INSC: variants seen among roughly 807,000 people sequenced by gnomAD.
The protein encoded by INSC is protein inscuteable homolog.
INSC carries 67 observed loss-of-function variants against 58.6 expected under a neutral mutation model. That is an observed-to-expected ratio of 1.14 (90% confidence interval 0.94 to 1.40). The LOEUF (loss-of-function observed/expected upper bound fraction) is 1.40. Among genes scored for constraint, INSC ranks in the 40% most tolerant of loss-of-function variants. The probability of loss-of-function intolerance (pLI) is 0.00; values close to 1 mark genes in which losing one functional copy is unlikely to be tolerated. For missense variants in INSC, 714 were observed against 692.0 expected, an observed-to-expected ratio of 1.03 and a Z score of -0.36; for synonymous variants, 262 against 276.1, an observed-to-expected ratio of 0.95 and a Z score of 0.51.
At chr11:15,243,636 A>G (rs947245151) in intron 12 of INSC, among the ~76,000 whole-genome samples, 2 of 152,130 alleles carry the variant, frequency 1.3e-5, no homozygotes, top group East Asian at 3.9e-4. Flanking sequence ...CTGGGGAGGT[A>G]AGGGTGTCTC....
At chr11:15,184,248 T>C (rs2852925) in intron 5 of INSC, among the ~76,000 whole-genome samples, 111,086 of 151,946 alleles carry the variant, frequency 0.73, 41,377 homozygotes, top group East Asian at 0.98. Flanking sequence ...GGTTTTATAA[T>C]GTATACAATT....
chr11:15,190,912 GC>G lies in INSC; in HGVS notation c.693+102del, dbSNP rs1850145194. On this transcript the variant is annotated intron_variant, in intron 6 of 12. Transcript: ENST00000379556. Reference sequence around the variant, plus strand: ...TAGCTGGCTCACGAGGTCTGTCTTGGCCCCTGCATTAGCTGCTGAGTCTCCT... The same window carrying G: ...TAGCTGGCTCACGAGGTCTGTCTTGGCCCTGCATTAGCTGCTGAGTCTCCT... The G allele has an allele frequency of 6.4e-6, 5 of 780,454 alleles. No individual in the cohort carries two copies. The East Asian group carries it at 1.2e-4, about 19-fold the overall frequency. The allele number at this position is 780,454 out of a possible 1,614,324, so 48.3% of individuals were successfully genotyped here. A position where few individuals can be genotyped will look rare whatever the true frequency, so the allele number is the denominator to read the frequency against.
chr11:15,226,037 G>C (rs1252136274), intron 9 of INSC, among the ~76,000 whole-genome samples: 2 of 152,106 alleles, frequency 1.3e-5, no homozygotes, highest in African/African-American at 4.8e-5. Context: ...CCCATTATGA[G>C]CTTTACATGC....
intron 7 of INSC, among the ~76,000 whole-genome samples, chr11:15,213,659 C>T (rs1047143203): frequency 1.3e-5 from 2 of 152,180 alleles, no homozygotes; most frequent in Admixed American, 6.5e-5. Flanking sequence ...ACCTTAATTA[C>T]TCATCCCTGC....
chr11:15,140,061 G>C (rs966513721), intron 1 of INSC, among the ~76,000 whole-genome samples: 3 of 152,192 alleles, frequency 2.0e-5, no homozygotes, highest in African/African-American at 7.2e-5. Context: ...AGGAGCCTGA[G>C]CTTTCCTCTG....
intron 6 of INSC, among the ~76,000 whole-genome samples, chr11:15,197,804 T>C (rs1375116976): frequency 6.6e-6 from 1 of 152,226 alleles, no homozygotes; most frequent in Admixed American, 6.5e-5. Context: ...CTGTTATTCC[T>C]TCCACCACCA....
intron 8 of INSC, 73 bp from the exon 9 acceptor site, chr11:15,225,577 G>A: frequency 6.9e-7 from 1 of 1,453,788 alleles, no homozygotes. Flanking sequence ...CAGAGGTATT[G>A]TGTGAACCAA....
At position 15,247,040 on chromosome 11, in the gene INSC, T is replaced by TA. The variant is rs1491193308; in HGVS notation, c.*1001dup. 1 of 150,346 alleles carries TA rather than the reference T, an allele frequency of 6.7e-6. No homozygotes were observed. The highest frequency in any genetic ancestry group is 2.5e-5 in the African/African-American group (1 of 39,970). The allele number at this position is 150,346 out of a possible 1,614,324, so 9.3% of individuals were successfully genotyped here. ...GCACAGCTTTCGCTTTTTTTTTTTT[T>TA]AGAGAGAGCTGGTTTACCAATTTCA... On this transcript the variant is annotated 3_prime_UTR_variant, in exon 13 of 13. Transcript: ENST00000379556.
intron 1 of INSC, among the ~76,000 whole-genome samples, chr11:15,143,352 A>G (rs1250370652): frequency 6.6e-6 from 1 of 152,134 alleles, no homozygotes; most frequent in Admixed American, 6.5e-5. Context: ...AGCTCTCACC[A>G]AGGAATAACT....
intron 5 of INSC, chr11:15,188,259 C>G: frequency 1.0e-6 from 1 of 985,458 alleles, no homozygotes; most frequent in Non-Finnish European, 1.2e-6. Context: ...TGGAGACCCA[C>G]TCTCCTATTT....
At chr11:15,175,169 C>G (rs1849529703) in intron 2 of INSC, among the ~76,000 whole-genome samples, 1 of 152,128 alleles carries the variant, frequency 6.6e-6, no homozygotes, top group Admixed American at 6.6e-5. Context: ...AATGTGTTTC[C>G]TTTAAATATT....
At chr11:15,145,392 G>A (rs1848468016) in intron 1 of INSC, among the ~76,000 whole-genome samples, 1 of 152,294 alleles carries the variant, frequency 6.6e-6, no homozygotes, top group African/African-American at 2.4e-5. Flanking sequence ...AGGACCAAGG[G>A]CTTGTCTTGA....
At chr11:15,174,054 A>T (rs561321071) in intron 2 of INSC, among the ~76,000 whole-genome samples, 1 of 152,218 alleles carries the variant, frequency 6.6e-6, no homozygotes, top group Admixed American at 6.5e-5. Context: ...GCCCCATAGG[A>T]TCTACTCCCC....
At chr11:15,222,467 T>C (rs1851480973) in intron 8 of INSC, among the ~76,000 whole-genome samples, 1 of 152,116 alleles carries the variant, frequency 6.6e-6, no homozygotes, top group African/African-American at 2.4e-5. Context: ...TAGCATGAAC[T>C]TAGGGGCAAC....
At chr11:15,221,801 G>T (rs1481085069) in intron 8 of INSC, among the ~76,000 whole-genome samples, 153 bp downstream of exon 8, 3 of 152,136 alleles carry the variant, frequency 2.0e-5, no homozygotes, top group Non-Finnish European at 4.4e-5. Context: ...CACAATTAAT[G>T]GATCTGAATT....
chr11:15,217,960 G>A (rs558024150), intron 7 of INSC, among the ~76,000 whole-genome samples: 5 of 152,138 alleles, frequency 3.3e-5, no homozygotes, highest in South Asian at 4.1e-4. Context: ...CTATCATGTC[G>A]CAAAACAATT....
intron 5 of INSC, among the ~76,000 whole-genome samples, chr11:15,189,286 G>A (rs1479638422): frequency 6.6e-6 from 1 of 152,150 alleles, no homozygotes; most frequent in Non-Finnish European, 1.5e-5. Context: ...GGTACCTTTA[G>A]AAATCCTTTA....
At chr11:15,205,661 G>A (rs1850766017) in intron 7 of INSC, among the ~76,000 whole-genome samples, 2 of 152,286 alleles carry the variant, frequency 1.3e-5, no homozygotes, top group East Asian at 3.9e-4. Flanking sequence ...CACACATGGA[G>A]AAGTTGGGTG....
At chr11:15,265,335 A>G in the INSC span, among the ~76,000 whole-genome samples, 5 of 152,086 alleles carry the variant, frequency 3.3e-5, no homozygotes, top group East Asian at 1.9e-4. Context: ...AAGTCATGCT[A>G]TCTTCTTAAT....
Sources: gnomAD v4.1 joint callset for allele counts (sites outside exome capture counted in the v4.1 genomes callset) on GRCh38, gnomAD v4.1.1 for gene constraint, MANE v1.5 for transcripts, NCBI Gene and HGNC (gene_info 2026-07-23, HGNC 2026-07-21) for gene names.